ASIC2: variants seen among roughly 807,000 people sequenced by gnomAD.
The protein encoded by ASIC2 is acid sensing ion channel subunit 2.
Under a neutral mutation model 57.3 loss-of-function variants are expected in ASIC2, and 25 were observed. The ratio of observed to expected loss-of-function variants is 0.44; its 90% confidence interval spans 0.32 to 0.61. ASIC2 has a LOEUF of 0.61. ASIC2 is among the 20% of genes least tolerant of loss of function. The pLI is 0.06. For synonymous variants in ASIC2, 319 were observed against 307.5 expected (o/e 1.04, Z -0.39); for missense variants, 641 against 738.1 (o/e 0.87, Z 1.52).
At chr17:33,541,617 G>T (rs982826579) in intron 1 of ASIC2, among the ~76,000 whole-genome samples, 1 of 152,128 alleles carries the variant, frequency 6.6e-6, no homozygotes, top group Non-Finnish European at 1.5e-5. Flanking sequence ...AGTAAGGTGA[G>T]GACTGTATCA....
chr17:33,037,346 T>G (rs2091913010), intron 3 of ASIC2, among the ~76,000 whole-genome samples: 1 of 151,318 alleles, frequency 6.6e-6, no homozygotes, highest in African/African-American at 2.4e-5. Flanking sequence ...GGTGAAGCTC[T>G]GGAGATGGGC....
chr17:33,393,357 A>C (rs923852429), intron 1 of ASIC2, among the ~76,000 whole-genome samples: 2 of 152,094 alleles, frequency 1.3e-5, no homozygotes, highest in African/African-American at 4.8e-5. Flanking sequence ...GTCATCGCTC[A>C]TGCTTTTCCT....
At chr17:33,214,155 C>T (rs1214619581) in intron 1 of ASIC2, among the ~76,000 whole-genome samples, 2 of 152,208 alleles carry the variant, frequency 1.3e-5, no homozygotes, top group Admixed American at 1.3e-4. Context: ...AGCTCAGAAA[C>T]ATCCCTGGCT....
intron 1 of ASIC2, among the ~76,000 whole-genome samples, chr17:33,526,442 C>G (rs967719290): frequency 8.5e-5 from 13 of 152,170 alleles, no homozygotes; most frequent in Admixed American, 2.0e-4. Context: ...CTTTCTGGCT[C>G]CAGGAGTCCA....
At chr17:33,224,656 T>C (rs1907812038) in intron 1 of ASIC2, among the ~76,000 whole-genome samples, 1 of 152,198 alleles carries the variant, frequency 6.6e-6, no homozygotes, top group Non-Finnish European at 1.5e-5. Flanking sequence ...TCACTGCCAT[T>C]CAATGAGGCA....
intron 1 of ASIC2, among the ~76,000 whole-genome samples, chr17:34,044,535 T>G (rs911266195): frequency 1.3e-5 from 2 of 152,156 alleles, no homozygotes; most frequent in Non-Finnish European, 2.9e-5. Context: ...AAGGGTGAAC[T>G]TTAATCTCAA....
At chr17:33,550,669 T>G (rs1915725601) in intron 1 of ASIC2, among the ~76,000 whole-genome samples, 1 of 152,210 alleles carries the variant, frequency 6.6e-6, no homozygotes, top group African/African-American at 2.4e-5. Flanking sequence ...TCCCTTGTAA[T>G]CTAATGGAGA....
intron 2 of ASIC2, among the ~76,000 whole-genome samples, chr17:33,101,364 T>C (rs2092211500): frequency 6.6e-6 from 1 of 152,252 alleles, no homozygotes; most frequent in Non-Finnish European, 1.5e-5. Flanking sequence ...GCAATATATG[T>C]ACATAATTTA....
intron 1 of ASIC2, among the ~76,000 whole-genome samples, chr17:34,088,303 C>T (rs1404537899): frequency 1.3e-5 from 2 of 152,338 alleles, no homozygotes; most frequent in East Asian, 3.9e-4. Context: ...TGCTAGAGGT[C>T]CACTCCAGAC....
intron 1 of ASIC2, among the ~76,000 whole-genome samples, chr17:33,317,432 A>C (rs1567821106): frequency 1.3e-5 from 2 of 152,182 alleles, no homozygotes; most frequent in African/African-American, 4.8e-5. Flanking sequence ...ACATCCTAAT[A>C]GATGTCTTTG....
chr17:33,077,079 C>A (rs1199045007), intron 3 of ASIC2, among the ~76,000 whole-genome samples: 1 of 152,042 alleles, frequency 6.6e-6, no homozygotes, highest in Non-Finnish European at 1.5e-5. Context: ...TCCCAGCTGC[C>A]CTCTCTAAGA....
At chr17:33,426,370 G>T (rs1011113217) in intron 1 of ASIC2, among the ~76,000 whole-genome samples, 1 of 152,180 alleles carries the variant, frequency 6.6e-6, no homozygotes, top group African/African-American at 2.4e-5. Flanking sequence ...ATGATTCAAG[G>T]TTACTCTATA....
intron 1 of ASIC2, among the ~76,000 whole-genome samples, chr17:34,121,803 C>A (rs1158041978): frequency 1.3e-5 from 2 of 152,228 alleles, no homozygotes; most frequent in Non-Finnish European, 2.9e-5. Context: ...ATGATGCCAT[C>A]CATCTAAGGA....
At chr17:33,464,508 C>CTT (rs1262252204) in intron 1 of ASIC2, among the ~76,000 whole-genome samples, 1 of 40,114 alleles carries the variant, frequency 2.5e-5, no homozygotes, top group African/African-American at 1.1e-4. Flanking sequence ...TTCTTTCTTT[C>CTT]TTTCTTTCTT....
At chr17:33,944,400 C>G (rs1005055459) in intron 1 of ASIC2, among the ~76,000 whole-genome samples, 2 of 152,248 alleles carry the variant, frequency 1.3e-5, no homozygotes, top group Admixed American at 6.5e-5. Flanking sequence ...CAGGAAGGAG[C>G]CTTGATCATT....
chr17:33,983,659 C>G (rs1337612770), intron 1 of ASIC2, among the ~76,000 whole-genome samples: 1 of 152,158 alleles, frequency 6.6e-6, no homozygotes, highest in Non-Finnish European at 1.5e-5. Flanking sequence ...TCGTGAGCCA[C>G]CCTGGTGCAT....
intron 3 of ASIC2, among the ~76,000 whole-genome samples, chr17:33,083,642 G>A (rs1324926044): frequency 2.6e-5 from 4 of 152,186 alleles, no homozygotes; most frequent in Non-Finnish European, 4.4e-5. Flanking sequence ...ACAAGGAAGG[G>A]CAGATGGAAC....
intron 1 of ASIC2, among the ~76,000 whole-genome samples, chr17:33,797,696 G>A (rs1008433567): frequency 6.6e-6 from 1 of 152,190 alleles, no homozygotes. Context: ...GTAATTTGCT[G>A]AAGCGTGAGT....
chr17:33,568,257 G>A (rs936922351), intron 1 of ASIC2, among the ~76,000 whole-genome samples: 17 of 152,182 alleles, frequency 1.1e-4, no homozygotes, highest in African/African-American at 3.4e-4. Flanking sequence ...ACTGGGTTAT[G>A]TCAAATTGAC....
Sources: gnomAD v4.1 joint callset for allele counts (sites outside exome capture counted in the v4.1 genomes callset) on GRCh38, gnomAD v4.1.1 for gene constraint, MANE v1.5 for transcripts, NCBI Gene and HGNC (gene_info 2026-07-23, HGNC 2026-07-21) for gene names.